USP10: variants seen among roughly 807,000 people sequenced by gnomAD.
The protein encoded by USP10 is ubiquitin carboxyl-terminal hydrolase 10.
USP10 carries 22 observed loss-of-function variants against 84.5 expected under a neutral mutation model. The ratio of observed to expected loss-of-function variants is 0.26; its 90% CI spans 0.19 to 0.37. USP10 has a LOEUF of 0.37. USP10 is among the 10% of genes least tolerant of loss of function. The pLI is 1.00. For synonymous variants in USP10, 454 were observed against 387.6 expected (o/e 1.17, Z -2.01); for missense variants, 1,019 against 998.9 (o/e 1.02, Z -0.27).
chr16:84,768,084 A>G (rs1914054058), intron 10 of USP10, 109 bp from the exon 11 acceptor site: 1 of 1,251,706 alleles, frequency 8.0e-7, no homozygotes, highest in Admixed American at 2.9e-5. Context: ...GGTCTTTTGA[A>G]AGTGATATTG....
chr16:84,704,961 G>A (rs2150752299), intron 1 of USP10: 1 of 1,498,238 alleles, frequency 6.7e-7, no homozygotes, highest in African/African-American at 1.4e-5. Context: ...GAATGTGCAT[G>A]TGGAGTGCGG....
chr16:84,722,413 G>C lies in USP10; in HGVS notation c.22-11022G>C, dbSNP rs1907930327. ...ATGTACAAGTGTCTGTGTGGACATA[G>C]GTTTTCATTTCTTGTGGGTAAAATG... On this transcript the variant is annotated intron_variant, in intron 1 of 13. Transcript: ENST00000219473. Among the ~76,000 whole-genome samples the C allele has an allele frequency of 2.0e-5, 3 of 152,200 alleles. No individual in the cohort carries two copies. The South Asian group carries it at 6.2e-4, about 31-fold the overall frequency.
intron 1 of USP10, among the ~76,000 whole-genome samples, chr16:84,706,796 T>C (rs997528807): frequency 6.6e-6 from 1 of 152,060 alleles, no homozygotes; most frequent in African/African-American, 2.4e-5. Context: ...CACCTCGGCC[T>C]CCCAGAGTGC....
chr16:84,761,093 C>T (rs893581710), intron 8 of USP10, among the ~76,000 whole-genome samples: 1 of 152,088 alleles, frequency 6.6e-6, no homozygotes, highest in African/African-American at 2.4e-5. Flanking sequence ...TTGGAATTTG[C>T]ACTTCCCAAG....
intron 1 of USP10, among the ~76,000 whole-genome samples, chr16:84,728,835 G>A (rs1908851570): frequency 6.6e-6 from 1 of 151,954 alleles, no homozygotes; most frequent in African/African-American, 2.4e-5. Flanking sequence ...GTCTTCCTCT[G>A]TCATTCAGGC....
chr16:84,703,832 A>G (rs1409200314), intron 1 of USP10, among the ~76,000 whole-genome samples: 6 of 152,190 alleles, frequency 3.9e-5, no homozygotes, highest in Admixed American at 1.3e-4. Flanking sequence ...CCTCACCATC[A>G]TGCTCTTGAG....
intron 1 of USP10, among the ~76,000 whole-genome samples, chr16:84,712,759 C>G (rs898664715): frequency 2.6e-5 from 4 of 152,214 alleles, no homozygotes; most frequent in Admixed American, 6.5e-5. Context: ...CTTCAGTGCT[C>G]TCTTTACCTC....
chr16:84,766,615 A>G (rs1913892323), intron 10 of USP10, among the ~76,000 whole-genome samples: 1 of 152,218 alleles, frequency 6.6e-6, no homozygotes, highest in South Asian at 2.1e-4. Flanking sequence ...CAGAATTTCA[A>G]GGCCACAGAG....
intron 2 of USP10, 140 bp from the exon 3 acceptor site, chr16:84,740,169 T>C (rs1017092231): frequency 6.2e-6 from 4 of 642,256 alleles, no homozygotes; most frequent in Non-Finnish European, 5.3e-6. Context: ...TGACTCTTCA[T>C]GTATGTTATT....
chr16:84,768,561 A>G (rs1914104165), intron 11 of USP10, among the ~76,000 whole-genome samples: 1 of 152,236 alleles, frequency 6.6e-6, no homozygotes, highest in Non-Finnish European at 1.5e-5. Flanking sequence ...TCTAAATCAT[A>G]TTACACAAGG....
intron 1 of USP10, among the ~76,000 whole-genome samples, chr16:84,719,420 AC>A (rs1256054725): frequency 1.3e-5 from 2 of 152,180 alleles, no homozygotes; most frequent in African/African-American, 4.8e-5. Context: ...TCAGAATCAC[AC>A]AGGAAGTGTT....
chr16:84,721,761 G>A (rs145710915), intron 1 of USP10, among the ~76,000 whole-genome samples: 2 of 152,186 alleles, frequency 1.3e-5, no homozygotes, highest in African/African-American at 2.4e-5. Flanking sequence ...GCAGTGGCGC[G>A]ATCACAGCTC....
At chr16:84,712,290 A>G (rs1360718044) in intron 1 of USP10, among the ~76,000 whole-genome samples, 2 of 152,168 alleles carry the variant, frequency 1.3e-5, no homozygotes, top group Non-Finnish European at 2.9e-5. Flanking sequence ...GAAGGAAGAC[A>G]TGGCTCTGCC....
At chr16:84,732,444 C>CTT (rs762146698) in intron 1 of USP10, 2,477 of 316,950 alleles carry the variant, frequency 7.8e-3, no homozygotes, top group South Asian at 0.017. Flanking sequence ...TCTTCTTCTT[C>CTT]TTTTTTTTTT....
chr16:84,710,461 T>C (rs1236158241), intron 1 of USP10, among the ~76,000 whole-genome samples: 4 of 152,032 alleles, frequency 2.6e-5, no homozygotes, highest in African/African-American at 9.7e-5. Flanking sequence ...TTTGGGGACT[T>C]TTGAGACAGA....
Position 84,744,701 on chromosome 16 carries a change from A to AC in USP10, c.225dup (p.Ser76GlnfsTer14). 6.2e-7 allele frequency: 1 copy of AC among 1,613,294 alleles called. No homozygotes were observed. Among genetic ancestry groups the AC allele is most frequent in the Non-Finnish European group, 8.5e-7 (1 of 1,179,602 alleles). ...TGAACCCAGTGACACTTTGCCGAGA[A>AC]CCCCCAGCTACAGTATTTCAAGCAC... On this transcript the variant is annotated frameshift_variant, in exon 4 of 14. Transcript: ENST00000219473. LOFTEE classifies it high-confidence loss of function.
intron 1 of USP10, among the ~76,000 whole-genome samples, chr16:84,707,765 AT>A (rs72416398): frequency 0.018 from 2,717 of 149,976 alleles, 82 homozygotes; most frequent in African/African-American, 0.062. Context: ...TGTCCAAACA[AT>A]TTTTTTTTTT....
intron 13 of USP10, 95 bp from the exon 14 acceptor site, chr16:84,778,800 C>T: frequency 2.4e-6 from 3 of 1,249,796 alleles, no homozygotes; most frequent in Non-Finnish European, 3.3e-6. Flanking sequence ...GGGTTTTACA[C>T]ATAGGATGCA....
chr16:84,700,145 G>C, intron 1 of USP10, 34 bp downstream of exon 1: 2 of 1,267,364 alleles, frequency 1.6e-6, no homozygotes, highest in Non-Finnish European at 2.0e-6. Flanking sequence ...GCCGGAAGGG[G>C]CCCGAGCCCC....
Sources: allele counts gnomAD v4.1 joint callset (sites outside exome capture counted in the v4.1 genomes callset), GRCh38; gene constraint gnomAD v4.1.1; transcripts MANE v1.5; gene names NCBI Gene and HGNC (gene_info 2026-07-23, HGNC 2026-07-21).